SAP130: variants seen among roughly 807,000 people sequenced by gnomAD.
The protein encoded by SAP130 is Sin3A associated protein 130.
SAP130 carries 16 observed loss-of-function variants against 103.2 expected under a neutral mutation model. The observed-to-expected ratio is 0.16, with a 90% CI of 0.10 to 0.24. SAP130 has a LOEUF of 0.24. Among genes scored for constraint, SAP130 ranks in the 10% least tolerant of loss-of-function variants. The pLI is 1.00. For missense variants in SAP130, 990 were observed against 1,359.7 expected, an observed-to-expected ratio of 0.73 and a Z score of 4.28; for synonymous variants, 477 against 497.0, an observed-to-expected ratio of 0.96 and a Z score of 0.53.
chr2:128,013,258 AGTATGGTAT>A, intron 5 of SAP130, 104 bp from the exon 6 acceptor site: 6 of 1,089,430 alleles, frequency 5.5e-6, no homozygotes, highest in Non-Finnish European at 6.3e-6. Context: ...ATCGAGCTGA[AGTATGGTAT>A]GTATACTTCC....
chr2:128,027,290 C>A, intron 1 of SAP130: 3 of 1,161,994 alleles, frequency 2.6e-6, no homozygotes, highest in East Asian at 4.0e-5. Flanking sequence ...TGCTCGCAGT[C>A]CTCTTCCCCC....
chr2:127,985,839 G>A (rs1682341502), intron 14 of SAP130, among the ~76,000 whole-genome samples: 1 of 151,668 alleles, frequency 6.6e-6, no homozygotes, highest in African/African-American at 2.4e-5. Context: ...CAAGTGGCTG[G>A]ACGTCAAGAG....
chr2:127,973,475 G>A (rs1183620302), intron 15 of SAP130, among the ~76,000 whole-genome samples: 3 of 152,162 alleles, frequency 2.0e-5, no homozygotes, highest in Admixed American at 6.5e-5. Flanking sequence ...CGGGTGATCC[G>A]CCCGCCTGAC....
chr2:127,974,238 C>A (rs984590692), intron 15 of SAP130, among the ~76,000 whole-genome samples: 1 of 152,148 alleles, frequency 6.6e-6, no homozygotes, highest in Non-Finnish European at 1.5e-5. Flanking sequence ...TATGCCTTAA[C>A]CCTCCAATGG....
In SAP130 at chr2:127,942,038, C is replaced by G. The variant is rs1559021846; in HGVS notation, c.3142G>C (p.Val1048Leu). 1.2e-6 allele frequency: 2 copies of G among 1,603,936 alleles called. No homozygotes were observed. Among genetic ancestry groups the G allele is most frequent in the Admixed American group, 1.7e-5 (1 of 58,156 alleles). The change falls in exon 21 of 21, where the codon GTG becomes CTG. Residue 1048 changes from valine to leucine, a missense_variant. Physicochemically the swap from Val to Leu is conservative, Grantham distance 32 (BLOSUM62 1). Around this residue, in one of 6 missense-constraint regions of SAP130, gnomAD observed 69 missense variants for 165.7 expected, o/e 0.42. Coordinates refer to ENST00000643581, the MANE Select transcript of SAP130 (RefSeq NM_001330301.2). The surrounding 1 kb of genome is among the most constrained non-coding windows in gnomAD (Gnocchi z 4.8). ...TTTTCCTTTCGCTTCAATTTGGACA[C>G]TTTTTTGACAGTCCCGTTCTTGTTA... ...LLNKNGTVKK[V>L]SKLKRKEKV is the part of the protein sequence containing the mutation.
intron 18 of SAP130, among the ~76,000 whole-genome samples, chr2:127,946,276 T>C (rs373627087): frequency 3.3e-5 from 5 of 152,190 alleles, no homozygotes; most frequent in South Asian, 2.1e-4. Context: ...GCAAAGGGAA[T>C]TGGGGGAGAT....
At chr2:128,011,497 C>T (rs955454179) in intron 6 of SAP130, among the ~76,000 whole-genome samples, 4 of 152,164 alleles carry the variant, frequency 2.6e-5, no homozygotes, top group African/African-American at 4.8e-5. Context: ...GCCGCTTCTA[C>T]CATGTGCAGG....
chr2:128,013,068 G>T lies in SAP130; in HGVS notation c.706C>A (p.Gln236Lys). Reference sequence around the variant, plus strand: ...TGAATGATGTGCTGTACTGCTGGCTGAGCAGTAGCAGCATTTGGCAGCTGT... The same window carrying T: ...TGAATGATGTGCTGTACTGCTGGCTTAGCAGTAGCAGCATTTGGCAGCTGT... ...TSQLPNAATA[Q>K]PAVQHIIHQP... The change falls in exon 6 of 21, where the codon CAG (glutamine) becomes AAG (lysine). Residue 236 changes from glutamine to lysine, a missense_variant. Coordinates refer to ENST00000643581, the MANE Select transcript of SAP130 (RefSeq NM_001330301.2). 6.2e-7 allele frequency: 1 copy of T among 1,613,442 alleles called. No homozygotes were observed. The highest frequency in any genetic ancestry group is 1.1e-5 in the South Asian group (1 of 90,974).
chr2:127,950,358 C>T lies in SAP130; in HGVS notation c.2473G>A (p.Ala825Thr), dbSNP rs1424285129. 2 of 1,614,032 alleles carry T rather than the reference C, an allele frequency of 1.2e-6. No homozygotes were observed. Among genetic ancestry groups the T allele is most frequent in the East Asian group, 2.2e-5 (1 of 44,898 alleles). Residue 825 changes from alanine to threonine, a missense_variant, in exon 17 of 21, where the codon GCA becomes ACA. Around this residue, in one of 6 missense-constraint regions of SAP130, gnomAD observed 349 missense variants for 384.1 expected, o/e 0.91. Transcript: ENST00000643581. The part of the protein sequence containing the change: ...NTVSPSLALL[A>T]NNLSMPTSDL... ...CTTGTAGGCATGGACAAGTTGTTTG[C>T]CAGCAATGCAAGAGATGGAGACACA...
At chr2:127,973,193 C>A (rs1012607755) in intron 15 of SAP130, among the ~76,000 whole-genome samples, 1 of 152,196 alleles carries the variant, frequency 6.6e-6, no homozygotes, top group Non-Finnish European at 1.5e-5. Context: ...CTATCACCAG[C>A]ACGGACTTCT....
intron 14 of SAP130, among the ~76,000 whole-genome samples, chr2:127,984,296 TTTGCTTATCC>T (rs1682209470): frequency 1.3e-5 from 2 of 152,256 alleles, no homozygotes; most frequent in African/African-American, 4.8e-5. Flanking sequence ...ACGGATACTG[TTTGCTTATCC>T]TTGCTCATTT....
intron 10 of SAP130, among the ~76,000 whole-genome samples, chr2:127,999,492 T>C (rs1390480738): frequency 6.6e-6 from 1 of 151,824 alleles, no homozygotes; most frequent in Non-Finnish European, 1.5e-5. Context: ...TAGTCTCAGC[T>C]ACTTGGGAGG....
intron 12 of SAP130, among the ~76,000 whole-genome samples, chr2:127,990,259 T>C (rs1421931383): frequency 6.6e-6 from 1 of 151,860 alleles, no homozygotes; most frequent in Admixed American, 6.6e-5. Context: ...GGTTTTGAAA[T>C]ACAGTAGTTA....
chr2:128,009,813 G>C (rs1160384634), intron 7 of SAP130, among the ~76,000 whole-genome samples: 1 of 152,118 alleles, frequency 6.6e-6, no homozygotes, highest in Non-Finnish European at 1.5e-5. Flanking sequence ...ACACAATCCT[G>C]TCTCAGAGCC....
At chr2:128,020,710 G>C (rs1264257385) in intron 2 of SAP130, among the ~76,000 whole-genome samples, 1 of 152,158 alleles carries the variant, frequency 6.6e-6, no homozygotes, top group African/African-American at 2.4e-5. Context: ...TTTTAAAGGT[G>C]AAATGGGGCC....
chr2:127,977,533 G>T (rs906835110), intron 15 of SAP130, among the ~76,000 whole-genome samples: 7 of 151,742 alleles, frequency 4.6e-5, no homozygotes, highest in Non-Finnish European at 8.8e-5. Flanking sequence ...ATACTGTCAC[G>T]ATGTCATTTT....
chr2:127,999,211 G>A (rs764034511), intron 10 of SAP130, among the ~76,000 whole-genome samples: 4 of 152,052 alleles, frequency 2.6e-5, no homozygotes, highest in Non-Finnish European at 5.9e-5. Context: ...GGACTTCCTG[G>A]GTACTACCAT....
At position 127,977,992 on chromosome 2, in the gene SAP130, G is replaced by T. The variant is rs1374524423; in HGVS notation, c.2056C>A (p.Pro686Thr). Residue 686 changes from proline to threonine, a missense_variant, in exon 15 of 21, where the codon CCT becomes ACT. This residue lies in a region of SAP130 where 349 missense variants were observed against 384.1 expected (regional missense o/e 0.91). Transcript: ENST00000643581. Reference protein sequence around the residue: ...SMRSTSGSPRPAGAKPKSEIH... With the variant: ...SMRSTSGSPRTAGAKPKSEIH... Reference sequence around the variant, plus strand: ...GAACACTTAGGTGCTCACCCTGCAGGCCTAGGTGACCCAGACGTACTCCGC... The same window carrying T: ...GAACACTTAGGTGCTCACCCTGCAGTCCTAGGTGACCCAGACGTACTCCGC... The T allele has an allele frequency of 1.1e-5, 17 of 1,549,744 alleles. No individual in the cohort carries two copies. The highest frequency in any genetic ancestry group is 1.4e-5 in the Non-Finnish European group (16 of 1,144,880).
chr2:127,994,297 G>C (rs532463178), intron 11 of SAP130, among the ~76,000 whole-genome samples: 6 of 152,186 alleles, frequency 3.9e-5, no homozygotes, highest in African/African-American at 1.4e-4. Flanking sequence ...TTGGGAGACT[G>C]AGGCAGGTGA....
Sources: allele counts gnomAD v4.1 joint callset (sites outside exome capture counted in the v4.1 genomes callset), GRCh38; gene constraint gnomAD v4.1.1; regional missense constraint gnomAD v4.1.1; non-coding constraint Gnocchi (gnomAD v3.1); transcripts MANE v1.5; gene names NCBI Gene and HGNC (gene_info 2026-07-23, HGNC 2026-07-21).